The following CTNNA3 variants were observed in gnomAD, a reference collection of about 807,000 sequenced individuals.
The protein encoded by CTNNA3 is catenin alpha 3.
In CTNNA3, 76 loss-of-function variants were observed where a neutral mutation model predicts 95.7. The ratio of observed to expected loss-of-function variants is 0.79; its 90% CI spans 0.66 to 0.96. CTNNA3 has a LOEUF of 0.96. Ranked by LOEUF, CTNNA3 falls within the 40% of genes least tolerant of loss-of-function variation. The pLI is 0.00. For missense variants in CTNNA3, 1,191 were observed against 1,089.8 expected, an observed-to-expected ratio of 1.09 and a Z score of -1.31; for synonymous variants, 431 against 374.4, an observed-to-expected ratio of 1.15 and a Z score of -1.74.
chr10:67,440,808 G>A (rs191784170), intron 5 of CTNNA3, among the ~76,000 whole-genome samples: 1 of 151,892 alleles, frequency 6.6e-6, no homozygotes, highest in Admixed American at 6.6e-5. Flanking sequence ...CAAATACCTG[G>A]GAAGCCTTTC....
chr10:67,631,080 C>T (rs188769389), intron 2 of CTNNA3, among the ~76,000 whole-genome samples: 1 of 152,246 alleles, frequency 6.6e-6, no homozygotes, highest in East Asian at 1.9e-4. Flanking sequence ...CATTGCATTG[C>T]CAAACTTGGA....
rs2077055771 is a variant in CTNNA3, at chr10:65,919,853, G to C, written c.*477C>G. On this transcript the variant is annotated 3_prime_UTR_variant, in exon 18 of 18. Transcript: ENST00000433211. ...GAATCATACATTTCTGCCTGGTTAGGTGCCAGGTTAGATCAGATAAAGAAA... is the reference window on the plus strand; with the variant it reads ...GAATCATACATTTCTGCCTGGTTAGCTGCCAGGTTAGATCAGATAAAGAAA... The C allele has an allele frequency of 6.4e-6, 1 of 155,334 alleles. No homozygotes were observed. The highest frequency in any genetic ancestry group is 2.0e-4 in the South Asian group (1 of 5,094). The allele number at this position is 155,334 out of a possible 1,614,324, so 9.6% of individuals were successfully genotyped here. A position where few individuals can be genotyped will look rare whatever the true frequency, so the allele number is the denominator to read the frequency against.
intron 17 of CTNNA3, among the ~76,000 whole-genome samples, chr10:65,929,856 G>A (rs1038464131): frequency 8.6e-5 from 13 of 152,010 alleles, no homozygotes; most frequent in East Asian, 3.9e-4. Context: ...GTGAGCCACC[G>A]TGCCTGGCCA....
chr10:67,713,424 C>T (rs991929499), intron 1 of CTNNA3, among the ~76,000 whole-genome samples: 1 of 152,138 alleles, frequency 6.6e-6, no homozygotes, highest in Non-Finnish European at 1.5e-5. Flanking sequence ...CCCAGCAATC[C>T]CATTACTGGG....
chr10:66,351,721 A>G (rs1026443976), intron 12 of CTNNA3, among the ~76,000 whole-genome samples: 3 of 152,030 alleles, frequency 2.0e-5, no homozygotes, highest in African/African-American at 7.2e-5. Flanking sequence ...TGGGAAGGTC[A>G]AGACAACTTC....
At chr10:66,802,091 G>C (rs1841453604) in intron 7 of CTNNA3, among the ~76,000 whole-genome samples, 1 of 151,614 alleles carries the variant, frequency 6.6e-6, no homozygotes, top group African/African-American at 2.4e-5. Flanking sequence ...ACAAAAATTA[G>C]TTTAAAACTG....
chr10:67,413,819 A>G (rs1248915975), intron 5 of CTNNA3, among the ~76,000 whole-genome samples: 2 of 152,166 alleles, frequency 1.3e-5, no homozygotes, highest in Non-Finnish European at 2.9e-5. Context: ...TAAGCAACTT[A>G]TTCCTGAATA....
chr10:66,412,956 G>A (rs948349325), intron 11 of CTNNA3, among the ~76,000 whole-genome samples: 6 of 152,044 alleles, frequency 3.9e-5, no homozygotes, highest in Non-Finnish European at 8.8e-5. Context: ...GTATCCAAAA[G>A]AAAGATAACA....
intron 12 of CTNNA3, among the ~76,000 whole-genome samples, chr10:66,311,866 C>A (rs1027733783): frequency 6.6e-6 from 1 of 152,078 alleles, no homozygotes; most frequent in African/African-American, 2.4e-5. Context: ...ATCTCCTGAC[C>A]CTTACGTAGA....
chr10:66,884,141 G>A (rs1589375048), intron 7 of CTNNA3, among the ~76,000 whole-genome samples: 1 of 152,080 alleles, frequency 6.6e-6, no homozygotes, highest in East Asian at 1.9e-4. Flanking sequence ...AGTGAGGAAG[G>A]GCATTAATCT....
intron 13 of CTNNA3, among the ~76,000 whole-genome samples, chr10:66,185,548 A>C (rs2131868373): frequency 6.6e-6 from 1 of 152,164 alleles, no homozygotes; most frequent in Non-Finnish European, 1.5e-5. Flanking sequence ...TCTGTCTGAA[A>C]ATATCAAGAT....
At chr10:66,202,325 A>G (rs1181440070) in intron 13 of CTNNA3, among the ~76,000 whole-genome samples, 2 of 152,196 alleles carry the variant, frequency 1.3e-5, no homozygotes, top group South Asian at 2.1e-4. Flanking sequence ...TCTTGTGTCA[A>G]TCACCAAGTT....
chr10:66,064,025 G>A (rs1028606407), intron 15 of CTNNA3, among the ~76,000 whole-genome samples: 1 of 152,082 alleles, frequency 6.6e-6, no homozygotes, highest in Non-Finnish European at 1.5e-5. Flanking sequence ...AATTGCCCGA[G>A]ACTGGGTAAT....
intron 9 of CTNNA3, among the ~76,000 whole-genome samples, chr10:66,745,992 T>C (rs952251519): frequency 2.0e-5 from 3 of 152,144 alleles, no homozygotes; most frequent in Non-Finnish European, 4.4e-5. Context: ...ATAAGTCATA[T>C]TAATGGTATT....
intron 7 of CTNNA3, among the ~76,000 whole-genome samples, chr10:67,165,084 A>G (rs928987753): frequency 9.2e-5 from 14 of 152,218 alleles, no homozygotes; most frequent in Admixed American, 2.0e-4. Flanking sequence ...ATTATTTGTA[A>G]TAGCCCCAAA....
intron 17 of CTNNA3, among the ~76,000 whole-genome samples, chr10:65,958,392 T>G (rs1207679727): frequency 6.6e-6 from 1 of 152,188 alleles, no homozygotes; most frequent in Non-Finnish European, 1.5e-5. Context: ...TTCTCTCAAC[T>G]CGTCAAAGTC....
At chr10:67,356,198 C>T (rs1040547332) in intron 5 of CTNNA3, among the ~76,000 whole-genome samples, 2 of 152,066 alleles carry the variant, frequency 1.3e-5, no homozygotes, top group Admixed American at 6.6e-5. Flanking sequence ...CTGCCTCCAC[C>T]TCTTTGCTGT....
rs577070903 is a variant in CTNNA3, at chr10:67,327,830, C to T, written c.580-107960G>A. On this transcript the variant is annotated intron_variant, in intron 5 of 17. Coordinates refer to ENST00000433211, the MANE Select transcript of CTNNA3 (RefSeq NM_013266.4). Reference sequence around the variant, plus strand: ...AAAGTCAACGCAGCTGGGGGGCCTCCGCTGGTGACTGTGTGTGTGGTCACC... The same window carrying T: ...AAAGTCAACGCAGCTGGGGGGCCTCTGCTGGTGACTGTGTGTGTGGTCACC... 1.3e-4 allele frequency among the ~76,000 whole-genome samples: 20 copies of T among 152,284 alleles called. No individual in the cohort carries two copies. The East Asian group carries it at 1.7e-3, about 13-fold the overall frequency.
At chr10:66,191,687 C>T (rs976433117) in intron 13 of CTNNA3, among the ~76,000 whole-genome samples, 1 of 151,530 alleles carries the variant, frequency 6.6e-6, no homozygotes, top group African/African-American at 2.4e-5. Context: ...CACTCAGATT[C>T]TGAGACATTC....
Sources: allele counts gnomAD v4.1 joint callset (sites outside exome capture counted in the v4.1 genomes callset), GRCh38; gene constraint gnomAD v4.1.1; transcripts MANE v1.5; gene names NCBI Gene and HGNC (gene_info 2026-07-23, HGNC 2026-07-21).